The following TBCD variants were observed in gnomAD, a reference collection of about 807,000 sequenced individuals.
The protein encoded by TBCD is tubulin folding cofactor D.
Under a neutral mutation model 169.3 loss-of-function variants are expected in TBCD, and 105 were observed. The observed-to-expected ratio is 0.62, with a 90% CI of 0.53 to 0.73. The LOEUF is 0.73. Among genes scored for constraint, TBCD ranks in the 30% least tolerant of loss-of-function variants. The pLI is 0.00. For synonymous variants in TBCD, 700 were observed against 643.9 expected, an observed-to-expected ratio of 1.09 and a Z score of -1.32; for missense variants, 1,444 against 1,600.1, an observed-to-expected ratio of 0.90 and a Z score of 1.66.
chr17:82,839,062 AAACAGAAACTT>A, intron 13 of TBCD: 10 of 833,344 alleles, frequency 1.2e-5, no homozygotes, highest in Non-Finnish European at 1.4e-5. Context: ...CTTAACAACC[AAACAGAAACTT>A]AACCCCTTTG....
Position 82,915,394 on chromosome 17 carries a change from A to G in TBCD, c.2038+3605A>G, listed in dbSNP as rs777158397. The stretch of plus-strand genomic sequence containing the variant: ...ATACAGGTTGGCCTTTGTCGTGAAT[A>G]TTCACGAGAGGAGATGAACATCCTG... On this transcript the variant is annotated intron_variant, in intron 23 of 38. Transcript: ENST00000355528. This position sits in a 1 kb window ranked among gnomAD's most constrained non-coding sequence, Gnocchi z 4.3. 1.1e-4 allele frequency among the ~76,000 whole-genome samples: 16 copies of G among 152,182 alleles called. No homozygotes were observed. The highest frequency in any genetic ancestry group is 2.2e-4 in the Non-Finnish European group (15 of 68,032).
chr17:82,832,106 G>C lies in TBCD; in HGVS notation c.1318+17172G>C. The C allele has an allele frequency of 1.2e-6, 2 of 1,614,252 alleles. No homozygotes were observed. The highest frequency in any genetic ancestry group is 1.3e-5 in the African/African-American group (1 of 75,068). ...CACCTGTGGGTTCCCCGGGCTTGCA[G>C]CTCCAGGTTTTCCTTGATGTCTTCC... On this transcript the variant is annotated intron_variant, in intron 13 of 38. Transcript: ENST00000355528. This position sits in a 1 kb window ranked among gnomAD's most constrained non-coding sequence, Gnocchi z 4.9.
intron 12 of TBCD, among the ~76,000 whole-genome samples, chr17:82,812,221 C>T (rs1029586012): frequency 9.9e-5 from 15 of 152,270 alleles, no homozygotes; most frequent in Admixed American, 5.9e-4. Flanking sequence ...AACCTGTGCC[C>T]GGGCCCAGCT....
At chr17:82,926,668 A>G (rs761787131) in intron 28 of TBCD, among the ~76,000 whole-genome samples, 177 bp downstream of exon 28, 1 of 152,202 alleles carries the variant, frequency 6.6e-6, no homozygotes, top group Non-Finnish European at 1.5e-5. Context: ...TCTTGCTGTC[A>G]TAGTCGTAGT....
chr17:82,921,778 T>C (rs556899248), intron 25 of TBCD, among the ~76,000 whole-genome samples: 4 of 152,382 alleles, frequency 2.6e-5, no homozygotes, highest in African/African-American at 9.6e-5. Flanking sequence ...AATACAGCCA[T>C]TGGAATCCGA....
In TBCD at chr17:82,815,754, G is replaced by A. The variant is rs1007595471; in HGVS notation, c.1318+820G>A. On this transcript the variant is annotated intron_variant, in intron 13 of 38. Transcript: ENST00000355528. ...GACACCTGAGATGTGGTGGCCTCACGTCTTCCCAGTGTGGAGCTGTGGTGG... is the reference window on the plus strand; with the variant it reads ...GACACCTGAGATGTGGTGGCCTCACATCTTCCCAGTGTGGAGCTGTGGTGG... 3.9e-5 allele frequency among the ~76,000 whole-genome samples: 6 copies of A among 152,194 alleles called. No homozygotes were observed. In the East Asian group the frequency reaches 5.8e-4, roughly 15 times the overall value.
chr17:82,844,270 C>T (rs2054813872), intron 13 of TBCD, among the ~76,000 whole-genome samples: 1 of 133,106 alleles, frequency 7.5e-6, no homozygotes, highest in South Asian at 2.5e-4. Flanking sequence ...GTTACCCAGG[C>T]TGGACTTGAA....
At chr17:82,777,037 C>G (rs1040050540) in intron 6 of TBCD, among the ~76,000 whole-genome samples, 13 of 152,138 alleles carry the variant, frequency 8.5e-5, no homozygotes, top group African/African-American at 2.9e-4. Context: ...GGGTATTGCC[C>G]CAGGTGGTTG....
chr17:82,858,480 A>C (rs2056498327), intron 13 of TBCD: 1 of 746,882 alleles, frequency 1.3e-6, no homozygotes, highest in South Asian at 6.1e-5. Flanking sequence ...CAGGTTGGCC[A>C]GTCTGGCTGG....
At chr17:82,844,020 T>C (rs188051516) in intron 13 of TBCD, among the ~76,000 whole-genome samples, 152 of 152,362 alleles carry the variant, frequency 1.0e-3, no homozygotes, top group Middle Eastern at 6.8e-3. Flanking sequence ...TTCTTAACTT[T>C]ATATTTCAAC....
At chr17:82,932,477 C>T (rs2062289918) in intron 33 of TBCD, among the ~76,000 whole-genome samples, 181 bp from the exon 34 acceptor site, 1 of 152,240 alleles carries the variant, frequency 6.6e-6, no homozygotes, top group African/African-American at 2.4e-5. Context: ...TCAGCGTCAG[C>T]CTCCAGCCTT....
At chr17:82,827,780 T>G (rs1039273353) in intron 13 of TBCD, among the ~76,000 whole-genome samples, 1 of 150,276 alleles carries the variant, frequency 6.7e-6, no homozygotes, top group African/African-American at 2.5e-5. Context: ...TCCGCAGATA[T>G]GTACACGTGG....
chr17:82,806,122 AC>A lies in TBCD; in HGVS notation c.1087+114del. The A allele has an allele frequency of 1.4e-6, 2 of 1,444,530 alleles. No individual in the cohort carries two copies. Among genetic ancestry groups the A allele is most frequent in the Non-Finnish European group, 1.9e-6 (2 of 1,071,672 alleles). The allele number at this position is 1,444,530 out of a possible 1,614,324, so 89.5% of individuals were successfully genotyped here. On this transcript the variant is annotated intron_variant, in intron 10 of 38. Transcript: ENST00000355528. This position sits in a 1 kb window ranked among gnomAD's most constrained non-coding sequence, Gnocchi z 5.1. ...TTGCTGGTGCCGGCACTGTCTGGCC[AC>A]CCGTCCCCTTCGCTGAGTGCACGGT...
chr17:82,893,274 C>T (rs967576458), intron 16 of TBCD: 11 of 474,856 alleles, frequency 2.3e-5, no homozygotes, highest in East Asian at 3.8e-5. Flanking sequence ...TACCACGTAC[C>T]GAAGTGGAAA....
intron 13 of TBCD, among the ~76,000 whole-genome samples, chr17:82,863,224 C>T (rs991080373): frequency 6.6e-6 from 1 of 152,176 alleles, no homozygotes; most frequent in African/African-American, 2.4e-5. Flanking sequence ...GCTGCTTCAC[C>T]ACATTGGCTG....
rs1189647144 is a variant in TBCD at position 82,923,334 on chromosome 17, G to A, written c.2179-318G>A. ...TGATGGTGAGCAGGCGTGCTGGAAA[G>A]GAGTAGCATGACTTAGGGGTTCTTT... On this transcript the variant is annotated intron_variant, in intron 25 of 38. Transcript: ENST00000355528. The surrounding 1 kb of genome is among the most constrained non-coding windows in gnomAD (Gnocchi z 4.6). 6.6e-6 allele frequency among the ~76,000 whole-genome samples: 1 copy of A among 152,236 alleles called. No individual in the cohort carries two copies. Among genetic ancestry groups the A allele is most frequent in the Non-Finnish European group, 1.5e-5 (1 of 68,042 alleles).
In TBCD at chr17:82,903,256, T is replaced by TG. The variant is rs2060010183; in HGVS notation, c.1731-148dup. The TG allele has an allele frequency of 1.4e-6, 1 of 695,226 alleles. No homozygotes were observed. The highest frequency in any genetic ancestry group is 2.7e-5 in the East Asian group (1 of 36,500). 43.1% of individuals were successfully genotyped at this position (695,226 alleles called of 1,614,324 possible). A position where few individuals can be genotyped will look rare whatever the true frequency, so the allele number is the denominator to read the frequency against. On this transcript the variant is annotated intron_variant, in intron 18 of 38. Transcript: ENST00000355528. The surrounding 1 kb of genome is among the most constrained non-coding windows in gnomAD (Gnocchi z 4.8). ...GTCGTCTGTTGGAGTCGGAGGTTCTTGTACTGGTTCGTGTGAGTGAGTGAG... is the reference window on the plus strand; with the variant it reads ...GTCGTCTGTTGGAGTCGGAGGTTCTTGGTACTGGTTCGTGTGAGTGAGTGAG...
intron 12 of TBCD, 28 bp from the exon 13 acceptor site, chr17:82,814,812 G>A (rs754425159): frequency 3.7e-6 from 6 of 1,611,686 alleles, no homozygotes; most frequent in Non-Finnish European, 5.1e-6. Flanking sequence ...CACGTGGGCT[G>A]TGGTCTCAGG....
rs962922141 is a variant in TBCD at position 82,752,322 on chromosome 17, G to A, written c.129G>A (p.Leu43=). ...AGACCCGGGCGCTGCTGGGCCGCCT[G>A]CGGGAGGTGCACGGCGGCGGCGCGG... The part of the protein sequence containing the change: ...SAETRALLGR[L]REVHGGGAER... The change falls in exon 1 of 39, where the codon CTG becomes CTA. Residue 43 remains leucine, a synonymous_variant. Coordinates refer to ENST00000355528, the MANE Select transcript of TBCD (RefSeq NM_005993.5). The A allele has an allele frequency of 6.8e-7, 1 of 1,474,332 alleles. No homozygotes were observed. The highest frequency in any genetic ancestry group is 2.5e-5 in the Admixed American group (1 of 40,446). The allele number at this position is 1,474,332 out of a possible 1,614,324, so 91.3% of individuals were successfully genotyped here.
Sources: gnomAD v4.1 joint callset for allele counts (sites outside exome capture counted in the v4.1 genomes callset) on GRCh38, gnomAD v4.1.1 for gene constraint, Gnocchi (gnomAD v3.1) non-coding constraint, MANE v1.5 for transcripts, NCBI Gene and HGNC (gene_info 2026-07-23, HGNC 2026-07-21) for gene names.